The following GRIN2B variants were observed in gnomAD, a reference collection of about 807,000 sequenced individuals.
GRIN2B encodes glutamate receptor ionotropic, NMDA 2B.
Under a neutral mutation model 114.5 loss-of-function variants are expected in GRIN2B, and 5 were observed. The observed-to-expected ratio is 0.04, with a 90% CI of 0.02 to 0.09. The LOEUF (loss-of-function observed/expected upper bound fraction) is 0.09. GRIN2B is among the 10% of genes least tolerant of loss of function. The probability of loss-of-function intolerance (pLI) is 1.00; values close to 1 mark genes in which losing one functional copy is unlikely to be tolerated. For missense variants in GRIN2B, 1,108 were observed against 1,943.5 expected (o/e 0.57, Z 8.08); for synonymous variants, 787 against 745.1 (o/e 1.06, Z -0.92).
chr12:13,708,947 T>C (rs1414787234), intron 4 of GRIN2B, among the ~76,000 whole-genome samples: 1 of 152,098 alleles, frequency 6.6e-6, no homozygotes, highest in African/African-American at 2.4e-5. Context: ...ATGGTGGTAA[T>C]AGATAATAAA....
intron 2 of GRIN2B, among the ~76,000 whole-genome samples, chr12:13,916,735 ATTTGTGTGTG>A (rs1237262422): frequency 4.9e-5 from 5 of 101,904 alleles, no homozygotes; most frequent in Admixed American, 3.1e-4. Flanking sequence ...ACACACACAC[ATTTGTGTGTG>A]TGTGTGTGTG....
Position 13,564,107 on chromosome 12 carries a change from AAGG to A in GRIN2B, c.3128_3130del (p.Ser1043del). 6.2e-7 allele frequency: 1 copy of A among 1,614,044 alleles called. No individual in the cohort carries two copies. The highest frequency in any genetic ancestry group is 8.5e-7 in the Non-Finnish European group (1 of 1,180,010). On this transcript the variant is annotated inframe_deletion, in exon 14 of 14. Transcript: ENST00000609686. The surrounding 1 kb of genome is among the most constrained non-coding windows in gnomAD (Gnocchi z 4.8). ...GTGGCCACTGTAGCGGTCGCTCTTG[AAGG>A]AGAATTTGCCGTACAGGTCACTGAG...
At chr12:13,935,251 A>G (rs1306913732) in intron 2 of GRIN2B, among the ~76,000 whole-genome samples, 1 of 152,222 alleles carries the variant, frequency 6.6e-6, no homozygotes, top group African/African-American at 2.4e-5. Flanking sequence ...TATCATACAA[A>G]TCTTGACTAT....
At chr12:13,938,732 G>C (rs1867175937) in intron 2 of GRIN2B, among the ~76,000 whole-genome samples, 1 of 152,276 alleles carries the variant, frequency 6.6e-6, no homozygotes, top group South Asian at 2.1e-4. Context: ...GGGAACTGGT[G>C]AGTAAAACTG....
chr12:13,759,860 T>C (rs1863645602), intron 3 of GRIN2B, among the ~76,000 whole-genome samples: 1 of 152,232 alleles, frequency 6.6e-6, no homozygotes, highest in Admixed American at 6.5e-5. Context: ...TATTGGCCCT[T>C]GGGTCCCAGG....
At position 13,602,228 on chromosome 12, in the gene GRIN2B, CAAG is replaced by C. The variant is rs200447483; in HGVS notation, c.2010+6372_2010+6374del. 9.1e-3 allele frequency among the ~76,000 whole-genome samples: 1,388 copies of C among 152,274 alleles called. 17 individuals are homozygous for C. Among genetic ancestry groups the C allele is most frequent in the Admixed American group, 0.014 (221 of 15,296 alleles). On this transcript the variant is annotated intron_variant, in intron 10 of 13. Coordinates refer to ENST00000609686, the MANE Select transcript of GRIN2B (RefSeq NM_000834.5). ...CAGATCTGCTCTTGATCAGTAGCTC[CAAG>C]AAGAATAGTTGCCTGACAGGCCAAG...
At chr12:13,878,257 T>C (rs1366283476) in intron 2 of GRIN2B, among the ~76,000 whole-genome samples, 1 of 152,092 alleles carries the variant, frequency 6.6e-6, no homozygotes, top group Non-Finnish European at 1.5e-5. Context: ...CCCGACCCAC[T>C]TCCCTTTCTG....
At position 13,615,980 on chromosome 12, in the gene GRIN2B, C is replaced by A. The variant is rs78996365; in HGVS notation, c.1329-316G>T. ...CAGACTGAACTCTTATTAATCAGCA[C>A]CCGGATCCAGATACAGAAAAGTTAC... On this transcript the variant is annotated intron_variant, in intron 6 of 13. Transcript: ENST00000609686. This position sits in a 1 kb window ranked among gnomAD's most constrained non-coding sequence, Gnocchi z 5.8. Among the ~76,000 whole-genome samples the A allele has an allele frequency of 1.6e-3, 238 of 152,268 alleles. No individual in the cohort carries two copies. Among genetic ancestry groups the A allele is most frequent in the Non-Finnish European group, 2.7e-3 (187 of 68,022 alleles).
At chr12:13,624,419 C>T (rs1949549016) in intron 5 of GRIN2B, among the ~76,000 whole-genome samples, 1 of 152,200 alleles carries the variant, frequency 6.6e-6, no homozygotes, top group African/African-American at 2.4e-5. Context: ...TATAAAGTTA[C>T]CCTGGACAGA....
chr12:13,927,651 A>G (rs1866941654), intron 2 of GRIN2B, among the ~76,000 whole-genome samples: 1 of 152,046 alleles, frequency 6.6e-6, no homozygotes, highest in African/African-American at 2.4e-5. Flanking sequence ...CAGTGTTTAT[A>G]TTAGCTAACA....
intron 2 of GRIN2B, among the ~76,000 whole-genome samples, chr12:13,961,853 C>T (rs1378681302): frequency 6.6e-6 from 1 of 152,052 alleles, no homozygotes; most frequent in African/African-American, 2.4e-5. Flanking sequence ...TTGCAGGCAG[C>T]ACGGCTCAGG....
In GRIN2B at chr12:13,746,435, C is replaced by T. The variant is rs1197879711; in HGVS notation, c.1010+6882G>A. ...CTCCACTGAGAGCCATTAACCTTCT[C>T]GGGTTTGCTTCTGCCTTCAAGACCA... is the stretch of plus-strand genomic sequence containing the variant. On this transcript the variant is annotated intron_variant, in intron 4 of 13. Transcript: ENST00000609686. 2.0e-5 allele frequency among the ~76,000 whole-genome samples: 3 copies of T among 152,170 alleles called. No homozygotes were observed. In the East Asian group the frequency reaches 5.8e-4, roughly 29 times the overall value.
chr12:13,802,501 G>T (rs147678215), intron 3 of GRIN2B, among the ~76,000 whole-genome samples: 11 of 152,072 alleles, frequency 7.2e-5, no homozygotes, highest in Admixed American at 5.9e-4. Context: ...TAGACAAAAA[G>T]ATTTATCTAC....
chr12:13,824,406 C>A lies in GRIN2B; in HGVS notation c.411+41392G>T, dbSNP rs568179255. 3.3e-5 allele frequency among the ~76,000 whole-genome samples: 5 copies of A among 152,264 alleles called. No homozygotes were observed. In the South Asian group the frequency reaches 1.0e-3, roughly 32 times the overall value. ...TTACCCAAGTTGTCAAATTTATTGA[C>A]ATAAAGATGGTTATAATATTCTTTT... On this transcript the variant is annotated intron_variant, in intron 3 of 13. Transcript: ENST00000609686.
intron 3 of GRIN2B, among the ~76,000 whole-genome samples, chr12:13,832,730 A>G (rs1363202995): frequency 6.6e-6 from 1 of 152,198 alleles, no homozygotes; most frequent in Non-Finnish European, 1.5e-5. Flanking sequence ...AATGTTTCAA[A>G]TTACTCACCG....
intron 2 of GRIN2B, among the ~76,000 whole-genome samples, chr12:13,913,326 A>G (rs986253524): frequency 2.6e-4 from 39 of 152,168 alleles, no homozygotes; most frequent in Non-Finnish European, 4.0e-4. Flanking sequence ...AACCAAAGAC[A>G]CTTGTGGAAT....
In GRIN2B at chr12:13,738,732, T is replaced by TAA. The variant is rs368006101; in HGVS notation, c.1010+14583_1010+14584dup. On this transcript the variant is annotated intron_variant, in intron 4 of 13. Transcript: ENST00000609686. ...TTTTACCCTATTCTGATAACCGAGG[T>TAA]AAAAAAAAAATGACAGGAGACTGGA... 5.4e-5 allele frequency among the ~76,000 whole-genome samples: 8 copies of TAA among 148,898 alleles called. No homozygotes were observed. In the East Asian group the frequency reaches 5.9e-4, roughly 11 times the overall value.
intron 2 of GRIN2B, among the ~76,000 whole-genome samples, chr12:13,968,373 G>A (rs980243888): frequency 3.3e-5 from 5 of 152,132 alleles, no homozygotes; most frequent in East Asian, 1.9e-4. Context: ...TCCACAAAAC[G>A]ACATCTTTAC....
intron 5 of GRIN2B, among the ~76,000 whole-genome samples, chr12:13,620,671 G>C (rs994543992): frequency 6.6e-6 from 1 of 152,130 alleles, no homozygotes; most frequent in African/African-American, 2.4e-5. Context: ...CTCAGTTTCT[G>C]CATCTGTAAA....
Sources: gnomAD v4.1 joint callset for allele counts (sites outside exome capture counted in the v4.1 genomes callset) on GRCh38, gnomAD v4.1.1 for gene constraint, Gnocchi (gnomAD v3.1) non-coding constraint, MANE v1.5 for transcripts, NCBI Gene and HGNC (gene_info 2026-07-23, HGNC 2026-07-21) for gene names.